FAF1: variants seen among roughly 807,000 people sequenced by gnomAD.
FAF1 encodes the protein FAS-associated factor 1.
In FAF1, 25 loss-of-function variants were observed where a neutral mutation model predicts 92.5. The observed-to-expected ratio is 0.27, with a 90% confidence interval of 0.20 to 0.38. The LOEUF (loss-of-function observed/expected upper bound fraction) is 0.38, where lower values mean the gene tolerates loss of function less well. Ranked by LOEUF, FAF1 falls within the 10% of genes least tolerant of loss-of-function variation. FAF1 has a pLI of 1.00. For missense variants in FAF1, 636 were observed against 793.3 expected (o/e 0.80, Z 2.38); for synonymous variants, 234 against 273.2 (o/e 0.86, Z 1.42).
At chr1:50,448,905 G>C (rs981696200) in intron 18 of FAF1, among the ~76,000 whole-genome samples, 16 of 148,588 alleles carry the variant, frequency 1.1e-4, no homozygotes, top group Non-Finnish European at 3.0e-5. Flanking sequence ...TTAACAATTA[G>C]GTTTTGATGT....
chr1:50,601,677 C>T (rs1398830081), intron 8 of FAF1, among the ~76,000 whole-genome samples: 1 of 151,234 alleles, frequency 6.6e-6, no homozygotes, highest in African/African-American at 2.4e-5. Context: ...CAGTCTCAAA[C>T]AATACATATA....
intron 18 of FAF1, among the ~76,000 whole-genome samples, chr1:50,460,511 T>C (rs887838296): frequency 6.6e-6 from 1 of 152,196 alleles, no homozygotes; most frequent in Non-Finnish European, 1.5e-5. Flanking sequence ...GTTTTAGGAC[T>C]ATTAGCTATG....
At chr1:50,941,790 T>C (rs914803231) in intron 1 of FAF1, among the ~76,000 whole-genome samples, 2 of 152,218 alleles carry the variant, frequency 1.3e-5, no homozygotes, top group Non-Finnish European at 2.9e-5. Flanking sequence ...CGTTCCCCCA[T>C]TGGACCCAAA....
intron 13 of FAF1, among the ~76,000 whole-genome samples, chr1:50,559,486 C>T (rs144160318): frequency 2.0e-5 from 3 of 152,220 alleles, no homozygotes; most frequent in Admixed American, 2.0e-4. Context: ...AATTACTGAG[C>T]CCATTTTGAA....
At chr1:50,753,026 T>C (rs1257366329) in intron 4 of FAF1, among the ~76,000 whole-genome samples, 3 of 152,188 alleles carry the variant, frequency 2.0e-5, no homozygotes, top group South Asian at 4.1e-4. Context: ...TTAAGATGTG[T>C]TTAACGTAAA....
At chr1:50,633,127 G>A (rs946333537) in intron 8 of FAF1, among the ~76,000 whole-genome samples, 1 of 152,148 alleles carries the variant, frequency 6.6e-6, no homozygotes, top group Non-Finnish European at 1.5e-5. Flanking sequence ...TGAGAAAATG[G>A]TAACAGAACT....
intron 7 of FAF1, among the ~76,000 whole-genome samples, chr1:50,663,693 G>A (rs906985695): frequency 2.0e-5 from 3 of 151,658 alleles, no homozygotes; most frequent in South Asian, 2.1e-4. Context: ...GTGAGCCACC[G>A]CGCCCGGCCA....
chr1:50,535,563 G>T, intron 14 of FAF1, 106 bp from the exon 15 acceptor site: 1 of 577,882 alleles, frequency 1.7e-6, no homozygotes, highest in Non-Finnish European at 3.0e-6. Flanking sequence ...AACCAGAAAG[G>T]AATAATCAGT....
At chr1:50,685,848 G>GTTT (rs1277329888) in intron 7 of FAF1, among the ~76,000 whole-genome samples, 1 of 152,194 alleles carries the variant, frequency 6.6e-6, no homozygotes, top group Admixed American at 6.5e-5. Context: ...TCACTGACTA[G>GTTT]CAGATTTTCC....
chr1:50,746,491 T>C (rs2124501485), intron 4 of FAF1, among the ~76,000 whole-genome samples: 1 of 149,852 alleles, frequency 6.7e-6, no homozygotes, highest in Middle Eastern at 3.5e-3. Context: ...TTAGTAGAGA[T>C]GGGGTTTCTC....
chr1:50,458,512 T>C (rs1646384128), intron 18 of FAF1, among the ~76,000 whole-genome samples: 1 of 152,210 alleles, frequency 6.6e-6, no homozygotes, highest in South Asian at 2.1e-4. Context: ...AAGTCCTCTG[T>C]AAATAAGTTA....
chr1:50,779,786 T>A (rs192746016), intron 4 of FAF1, among the ~76,000 whole-genome samples: 17 of 151,924 alleles, frequency 1.1e-4, no homozygotes, highest in African/African-American at 2.7e-4. Context: ...ATACATTTTT[T>A]AAAAATTAGA....
intron 9 of FAF1, among the ~76,000 whole-genome samples, chr1:50,594,740 G>A (rs529811488): frequency 9.9e-5 from 15 of 151,184 alleles, no homozygotes; most frequent in East Asian, 7.9e-4. Flanking sequence ...GCGTGGTGGC[G>A]GGCACCTGTA....
At chr1:50,518,822 G>A (rs982478527) in intron 15 of FAF1, among the ~76,000 whole-genome samples, 1 of 152,138 alleles carries the variant, frequency 6.6e-6, no homozygotes, top group Non-Finnish European at 1.5e-5. Flanking sequence ...TTAAATCTAT[G>A]TTTAACTTTC....
chr1:50,736,576 C>G (rs951650183), intron 6 of FAF1, among the ~76,000 whole-genome samples: 1 of 152,006 alleles, frequency 6.6e-6, no homozygotes, highest in African/African-American at 2.4e-5. Flanking sequence ...ATGGTGAAAC[C>G]CCATCTCTAC....
intron 1 of FAF1, among the ~76,000 whole-genome samples, chr1:50,893,574 A>T (rs1385931389): frequency 1.3e-5 from 2 of 152,040 alleles, no homozygotes. Flanking sequence ...AGTTGCTTGG[A>T]GCTGGGGGTG....
intron 4 of FAF1, among the ~76,000 whole-genome samples, chr1:50,776,335 T>G (rs1179338113): frequency 6.6e-6 from 1 of 152,142 alleles, no homozygotes; most frequent in African/African-American, 2.4e-5. Context: ...CCAATATGTA[T>G]CTACTCCTGC....
intron 4 of FAF1, among the ~76,000 whole-genome samples, chr1:50,767,223 AG>A (rs1660608771): frequency 6.6e-6 from 1 of 152,172 alleles, no homozygotes; most frequent in Admixed American, 6.5e-5. Flanking sequence ...AGAAACCCAA[AG>A]CTCAAACACT....
At chr1:50,601,249 A>C (rs2124100790) in intron 8 of FAF1, among the ~76,000 whole-genome samples, 1 of 152,368 alleles carries the variant, frequency 6.6e-6, no homozygotes. Flanking sequence ...TATGCAAAGG[A>C]AAACTCCAGT....
Sources: gnomAD v4.1 joint callset for allele counts (sites outside exome capture counted in the v4.1 genomes callset) on GRCh38, gnomAD v4.1.1 for gene constraint, MANE v1.5 for transcripts, NCBI Gene and HGNC (gene_info 2026-07-23, HGNC 2026-07-21) for gene names.